Variants in LIMCH1 observed in about 807,000 individuals in gnomAD.
LIMCH1 encodes LIM and calponin homology domains-containing protein 1.
Under a neutral mutation model 176.5 loss-of-function variants are expected in LIMCH1, and 113 were observed. The observed-to-expected ratio is 0.64, with a 90% confidence interval of 0.55 to 0.75. LIMCH1 has a LOEUF of 0.75. Among genes scored for constraint, LIMCH1 ranks in the 30% least tolerant of loss-of-function variants. The pLI is 0.00. For missense variants in LIMCH1, 1,674 were observed against 1,814.9 expected (o/e 0.92, Z 1.41); for synonymous variants, 619 against 645.9 (o/e 0.96, Z 0.63).
At chr4:41,435,255 G>A (rs191321212) in intron 1 of LIMCH1, among the ~76,000 whole-genome samples, 346 of 152,296 alleles carry the variant, frequency 2.3e-3, no homozygotes, top group Non-Finnish European at 3.1e-3. Context: ...AGAAAACGGA[G>A]AGATGATGAT....
chr4:41,543,754 G>A (rs1021757734), intron 1 of LIMCH1, among the ~76,000 whole-genome samples: 1 of 152,030 alleles, frequency 6.6e-6, no homozygotes, highest in East Asian at 1.9e-4. Flanking sequence ...AAAAACAAAG[G>A]CGCCTCTGTG....
chr4:41,661,884 G>A (rs1159374734), intron 19 of LIMCH1: 17 of 393,468 alleles, frequency 4.3e-5, no homozygotes, highest in Non-Finnish European at 7.2e-5. Flanking sequence ...AATAGACGCT[G>A]AAATGGTAAA....
chr4:41,623,062 CT>C lies in LIMCH1; in HGVS notation c.725+2378del, dbSNP rs2092698391. Among the ~76,000 whole-genome samples the C allele has an allele frequency of 3.9e-5, 6 of 152,312 alleles. No individual in the cohort carries two copies. In the South Asian group the frequency reaches 1.2e-3, roughly 32 times the overall value. ...GGCATGTCTACGTCTTTGTCACTTA[CT>C]TTTTTGCATGCCACAAGAGTTGAGA... On this transcript the variant is annotated intron_variant, in intron 7 of 31. Transcript: ENST00000503057.
At chr4:41,428,652 A>C (rs1439537423) in intron 1 of LIMCH1, among the ~76,000 whole-genome samples, 1 of 152,208 alleles carries the variant, frequency 6.6e-6, no homozygotes, top group Non-Finnish European at 1.5e-5. Flanking sequence ...GGCTGGCTCG[A>C]TATTCTGTTA....
At chr4:41,541,950 C>T (rs2152477320) in intron 1 of LIMCH1, among the ~76,000 whole-genome samples, 1 of 152,302 alleles carries the variant, frequency 6.6e-6, no homozygotes. Flanking sequence ...GGTTTCTGAG[C>T]CCCTCCTAGG....
chr4:41,603,750 AT>A (rs2090308590), intron 2 of LIMCH1, 124 bp from the exon 3 acceptor site: 1 of 621,410 alleles, frequency 1.6e-6, no homozygotes, highest in South Asian at 2.9e-5. Flanking sequence ...GCCTTAAAAA[AT>A]AATACATTCT....
rs577287463 is a variant in LIMCH1 at position 41,427,956 on chromosome 4, A to G, written c.97-66580A>G. ...TGCATCTATTTGGAAAAAAAAAAAA[A>G]AAGAAGAAGAATTTACTGGTTCCTT... On this transcript the variant is annotated intron_variant, in intron 1 of 26. Coordinates refer to the LIMCH1 transcript ENST00000313860. 2.9e-4 allele frequency among the ~76,000 whole-genome samples: 44 copies of G among 151,988 alleles called. 1 individual carries two copies. The highest frequency in any genetic ancestry group is 3.9e-4 in the Admixed American group (6 of 15,266).
intron 1 of LIMCH1, among the ~76,000 whole-genome samples, chr4:41,407,785 G>A (rs890124226): frequency 3.9e-5 from 6 of 152,126 alleles, no homozygotes; most frequent in Non-Finnish European, 7.4e-5. Flanking sequence ...TGAGCCCCAC[G>A]TCTAGACTTG....
At chr4:41,422,973 G>A (rs1220059416) in intron 1 of LIMCH1, among the ~76,000 whole-genome samples, 1 of 152,036 alleles carries the variant, frequency 6.6e-6, no homozygotes, top group Non-Finnish European at 1.5e-5. Context: ...TGCTTAGGCT[G>A]GTCTTGATCT....
chr4:41,689,658 T>G (rs1004828077), intron 30 of LIMCH1, 23 bp downstream of exon 30: 2 of 1,376,676 alleles, frequency 1.5e-6, no homozygotes, highest in Admixed American at 1.7e-5. Flanking sequence ...TGCTTTGCTC[T>G]CCAGACACAA....
intron 1 of LIMCH1, among the ~76,000 whole-genome samples, chr4:41,383,741 G>T (rs2056067948): frequency 6.6e-6 from 1 of 152,064 alleles, no homozygotes; most frequent in Non-Finnish European, 1.5e-5. Context: ...CTATATATAT[G>T]TCTATATGTA....
intron 1 of LIMCH1, among the ~76,000 whole-genome samples, chr4:41,483,003 A>G (rs2068906870): frequency 1.3e-5 from 2 of 152,058 alleles, no homozygotes; most frequent in South Asian, 4.2e-4. Flanking sequence ...CTCATATAGG[A>G]AGTTTGGGCT....
chr4:41,687,693 A>G, intron 28 of LIMCH1, 147 bp from the exon 29 acceptor site: 1 of 562,376 alleles, frequency 1.8e-6, no homozygotes, highest in South Asian at 2.7e-5. Context: ...TAAAAAAAAA[A>G]ATACTGCCAG....
chr4:41,430,774 G>A (rs1161671007), intron 1 of LIMCH1, among the ~76,000 whole-genome samples: 2 of 152,102 alleles, frequency 1.3e-5, no homozygotes, highest in Non-Finnish European at 2.9e-5. Flanking sequence ...TTGTGGTTTT[G>A]CCATGCTTTA....
intron 17 of LIMCH1, among the ~76,000 whole-genome samples, chr4:41,648,170 G>T (rs2094140717): frequency 6.6e-6 from 1 of 152,184 alleles, no homozygotes. Flanking sequence ...CCTGAAGGAA[G>T]ATTCTATGTT....
Position 41,406,093 on chromosome 4 carries a change from A to G in LIMCH1, c.96+45157A>G, listed in dbSNP as rs1416464702. Among the ~76,000 whole-genome samples the G allele has an allele frequency of 2.0e-5, 3 of 152,228 alleles. No individual in the cohort carries two copies. The East Asian group carries it at 5.8e-4, about 29-fold the overall frequency. ...AGCTTTTTGACGTAATCAAGCCTCT[A>G]TCAATCACTTCTTGCTTCCTAATAA... On this transcript the variant is annotated intron_variant, in intron 1 of 26. Coordinates refer to the LIMCH1 transcript ENST00000313860.
At chr4:41,510,701 G>A (rs2074792810) in intron 2 of LIMCH1, among the ~76,000 whole-genome samples, 2 of 152,012 alleles carry the variant, frequency 1.3e-5, no homozygotes, top group Admixed American at 1.3e-4. Context: ...TGATTCTGCT[G>A]CCTCAGCCTC....
At chr4:41,482,467 T>C (rs1031377524) in intron 1 of LIMCH1, among the ~76,000 whole-genome samples, 2 of 152,074 alleles carry the variant, frequency 1.3e-5, no homozygotes, top group Non-Finnish European at 2.9e-5. Context: ...AAATCAGGAA[T>C]GTCTGCTGGT....
At chr4:41,404,897 A>G (rs2058807954) in intron 1 of LIMCH1, among the ~76,000 whole-genome samples, 1 of 152,124 alleles carries the variant, frequency 6.6e-6, no homozygotes, top group African/African-American at 2.4e-5. Context: ...TCACTCCTTC[A>G]CTAAATATTT....
Sources: allele counts gnomAD v4.1 joint callset (sites outside exome capture counted in the v4.1 genomes callset), GRCh38; gene constraint gnomAD v4.1.1; transcripts MANE v1.5; gene names NCBI Gene and HGNC (gene_info 2026-07-23, HGNC 2026-07-21).